The following CDKN2B-AS1 variants were observed in gnomAD, a reference collection of about 807,000 sequenced individuals.
The protein encoded by CDKN2B-AS1 is CDKN2B antisense RNA 1 (non-protein coding).
At chr9:22,118,451 C>T (rs912485662) in intron 4 of CDKN2B-AS1, 11 of 152,138 alleles carry the variant, frequency 7.2e-5, no homozygotes, top group African/African-American at 2.4e-4. Flanking sequence ...GTCAATAAGC[C>T]ACTCGAGACA....
intron 4 of CDKN2B-AS1, among the ~76,000 whole-genome samples, chr9:22,088,091 A>T (rs10738606): frequency 0.42 from 64,403 of 151,540 alleles, 14,834 homozygotes; most frequent in East Asian, 0.66. Context: ...AATGTCATGC[A>T]GTGACTTCTA....
intron 1 of CDKN2B-AS1, chr9:22,009,025 T>C (rs1026985799): frequency 1.2e-6 from 2 of 1,600,432 alleles, no homozygotes; most frequent in African/African-American, 2.7e-5. Flanking sequence ...ACTCTTCCCT[T>C]CTTTCCCACG....
intron 4 of CDKN2B-AS1, among the ~76,000 whole-genome samples, chr9:22,121,419 T>G (rs978396521): frequency 8.5e-5 from 13 of 152,064 alleles, no homozygotes; most frequent in Non-Finnish European, 1.8e-4. Flanking sequence ...CGCTTTGATA[T>G]ATATAATGTA....
At chr9:22,012,119 T>G in intron 1 of CDKN2B-AS1, 1 of 928,956 alleles carries the variant, frequency 1.1e-6, no homozygotes, top group East Asian at 2.5e-5. Flanking sequence ...CCATCCTCTT[T>G]TTCTTCAGCG....
rs1825599091 is a variant in CDKN2B-AS1, at chr9:22,104,679, T to G, written n.439-22424T>G. 2.6e-5 allele frequency among the ~76,000 whole-genome samples: 4 copies of G among 152,248 alleles called. No individual in the cohort carries two copies. In the South Asian group the frequency reaches 8.3e-4, roughly 31 times the overall value. ...TCACTCATTCATTTATTCATCCATT[T>G]ACCATTTGTTTGTTTTTTGTTCATT... On this transcript the variant is annotated intron_variant and non_coding_transcript_variant, in intron 4 of 4. Coordinates refer to ENST00000650946, the Ensembl canonical transcript of CDKN2B-AS1.
intron 1 of CDKN2B-AS1, among the ~76,000 whole-genome samples, chr9:22,021,143 A>C (rs945949099): frequency 6.6e-6 from 1 of 152,144 alleles, no homozygotes; most frequent in Non-Finnish European, 1.5e-5. Flanking sequence ...TCTGTTCTCC[A>C]TTGCTTGTTT....
At chr9:22,096,159 C>G (rs1825268857) in intron 4 of CDKN2B-AS1, among the ~76,000 whole-genome samples, 1 of 152,148 alleles carries the variant, frequency 6.6e-6, no homozygotes, top group East Asian at 1.9e-4. Flanking sequence ...TCTGGGAAAG[C>G]TATACAATTT....
At chr9:22,016,724 C>A (rs1821780507) in intron 1 of CDKN2B-AS1, among the ~76,000 whole-genome samples, 1 of 152,140 alleles carries the variant, frequency 6.6e-6, no homozygotes, top group Non-Finnish European at 1.5e-5. Flanking sequence ...ATAAATGGTG[C>A]TGGGAAAACT....
intron 1 of CDKN2B-AS1, among the ~76,000 whole-genome samples, chr9:22,038,774 C>T (rs1422587902): frequency 6.6e-6 from 1 of 151,858 alleles, no homozygotes; most frequent in African/African-American, 2.4e-5. Context: ...GAAAAAAATC[C>T]ATTATTTGGT....
intron 1 of CDKN2B-AS1, chr9:22,003,433 A>AT (rs1821014720): frequency 4.4e-6 from 1 of 226,514 alleles, no homozygotes. Flanking sequence ...TTTCATATCT[A>AT]TTTCAAGGGA....
At chr9:22,009,219 C>G (rs1426343266) in intron 1 of CDKN2B-AS1, 1 of 586,900 alleles carries the variant, frequency 1.7e-6, no homozygotes, top group Non-Finnish European at 3.0e-6. Flanking sequence ...GCGCCTAGCG[C>G]GGACGCAGCC....
intron 1 of CDKN2B-AS1, among the ~76,000 whole-genome samples, chr9:22,010,682 G>A (rs36229158): frequency 0.015 from 2,343 of 152,316 alleles, 28 homozygotes; most frequent in Middle Eastern, 0.031. Flanking sequence ...CCTGGACAGG[G>A]AAGGGAACCG....
At chr9:22,041,075 A>C (rs1238071509) in intron 1 of CDKN2B-AS1, among the ~76,000 whole-genome samples, 1 of 152,064 alleles carries the variant, frequency 6.6e-6, no homozygotes, top group Non-Finnish European at 1.5e-5. Context: ...AACTGCCTGC[A>C]AAAGTAAAAA....
rs553022002 is a variant in CDKN2B-AS1, at chr9:22,022,903, A to G, written n.30-23848A>G. ...CTTATGAAACTTAGTTTGACCAGAT[A>G]TAAAATTCTGGGTTGGAGTTTCTTT... On this transcript the variant is annotated intron_variant and non_coding_transcript_variant, in intron 1 of 4. Transcript: ENST00000650946. Among the ~76,000 whole-genome samples the G allele has an allele frequency of 2.6e-5, 4 of 152,352 alleles. No individual in the cohort carries two copies. The South Asian group carries it at 8.3e-4, about 32-fold the overall frequency.
chr9:21,995,073 T>G (rs1001308679), upstream of CDKN2B-AS1: 4 of 152,168 alleles, frequency 2.6e-5, no homozygotes, highest in African/African-American at 9.6e-5. This position sits in a 1 kb window ranked among gnomAD's most constrained non-coding sequence, Gnocchi z 5.7. Context: ...GAAATTAAAC[T>G]AAACCGCTGC....
intron 1 of CDKN2B-AS1, among the ~76,000 whole-genome samples, chr9:22,019,264 G>T (rs568930488): frequency 6.6e-6 from 1 of 152,326 alleles, no homozygotes; most frequent in East Asian, 1.9e-4. Flanking sequence ...CAGATTTTCA[G>T]TTAAATTTAA....
intron 3 of CDKN2B-AS1, among the ~76,000 whole-genome samples, chr9:22,050,975 A>G (rs1424593223): frequency 1.3e-5 from 2 of 152,178 alleles, no homozygotes; most frequent in Non-Finnish European, 2.9e-5. Flanking sequence ...CTGTGGTTCC[A>G]TGGTGTTTGA....
chr9:22,007,480 C>T (rs577721896), intron 1 of CDKN2B-AS1, among the ~76,000 whole-genome samples: 3 of 152,274 alleles, frequency 2.0e-5, no homozygotes, highest in South Asian at 4.1e-4. Context: ...CATTTGTGTA[C>T]ATGAACATTA....
At chr9:22,083,138 C>T (rs980837192) in intron 4 of CDKN2B-AS1, among the ~76,000 whole-genome samples, 2 of 152,204 alleles carry the variant, frequency 1.3e-5, no homozygotes, top group African/African-American at 2.4e-5. Flanking sequence ...GTTATCCCAT[C>T]TAAATCACAT....
Sources: allele counts gnomAD v4.1 joint callset (sites outside exome capture counted in the v4.1 genomes callset), GRCh38; gene constraint gnomAD v4.1.1; non-coding constraint Gnocchi (gnomAD v3.1); transcripts MANE v1.5; gene names NCBI Gene and HGNC (gene_info 2026-07-23, HGNC 2026-07-21).